Variants in CHN1 observed in about 807,000 individuals in gnomAD.
The protein encoded by CHN1 is chimerin 1.
Under a neutral mutation model 59.5 loss-of-function variants are expected in CHN1, and 37 were observed. The ratio of observed to expected loss-of-function variants is 0.62; its 90% CI spans 0.48 to 0.82. The LOEUF (loss-of-function observed/expected upper bound fraction) is 0.82, where lower values mean the gene tolerates loss of function less well. Ranked by LOEUF, CHN1 falls within the 40% of genes least tolerant of loss-of-function variation. The pLI is 0.00. For missense variants in CHN1, 469 were observed against 571.0 expected (o/e 0.82, Z 1.82); for synonymous variants, 206 against 200.4 (o/e 1.03, Z -0.24).
At chr2:174,829,143 A>T (rs1281574769) in intron 7 of CHN1, among the ~76,000 whole-genome samples, 1 of 152,212 alleles carries the variant, frequency 6.6e-6, no homozygotes, top group Non-Finnish European at 1.5e-5. Context: ...AAAAAAGACC[A>T]TTTTATTACC....
At chr2:174,992,671 G>C (rs1211164377) in intron 1 of CHN1, among the ~76,000 whole-genome samples, 3 of 152,182 alleles carry the variant, frequency 2.0e-5, no homozygotes, top group Non-Finnish European at 4.4e-5. Flanking sequence ...CTTTAGTCAG[G>C]CTTCTCCTAG....
chr2:174,812,097 C>T (rs2105383773), intron 9 of CHN1: 1 of 400,356 alleles, frequency 2.5e-6, no homozygotes. Context: ...TATACAAGCA[C>T]ATTGGCTACA....
intron 5 of CHN1, among the ~76,000 whole-genome samples, chr2:174,887,008 C>T (rs1314258934): frequency 2.0e-5 from 3 of 152,106 alleles, no homozygotes; most frequent in Non-Finnish European, 4.4e-5. Context: ...CCTATTTAAC[C>T]ACTTAATCTG....
At chr2:174,956,049 A>G (rs1392206666) in intron 1 of CHN1, among the ~76,000 whole-genome samples, 1 of 152,216 alleles carries the variant, frequency 6.6e-6, no homozygotes, top group Non-Finnish European at 1.5e-5. Context: ...TGAAAATTAA[A>G]AAACAATTGT....
At chr2:174,900,109 G>C (rs1688341951) in intron 5 of CHN1, among the ~76,000 whole-genome samples, 1 of 152,096 alleles carries the variant, frequency 6.6e-6, no homozygotes, top group Admixed American at 6.6e-5. Flanking sequence ...CAATACAGTT[G>C]GGAAAATATT....
At chr2:174,991,340 C>G (rs371981333) in intron 1 of CHN1, among the ~76,000 whole-genome samples, 2 of 152,108 alleles carry the variant, frequency 1.3e-5, no homozygotes, top group African/African-American at 4.8e-5. Context: ...TAGCATGGTC[C>G]CCCCAGAAGG....
intron 1 of CHN1, among the ~76,000 whole-genome samples, chr2:174,979,241 T>TA (rs1203969414): frequency 6.6e-6 from 1 of 151,900 alleles, no homozygotes; most frequent in Non-Finnish European, 1.5e-5. Flanking sequence ...AATTATTAAG[T>TA]AATATAGGAA....
chr2:174,955,187 T>TATAG (rs148228204), intron 1 of CHN1, among the ~76,000 whole-genome samples: 23,072 of 103,418 alleles, frequency 0.22, 1,923 homozygotes, highest in Admixed American at 0.27. Flanking sequence ...TCTATATCTA[T>TATAG]ATATATATAT....
At chr2:175,001,107 G>A (rs916426254) in intron 1 of CHN1, among the ~76,000 whole-genome samples, 1 of 152,094 alleles carries the variant, frequency 6.6e-6, no homozygotes, top group Non-Finnish European at 1.5e-5. Context: ...TTTGACACCA[G>A]TACAAGAAGG....
chr2:174,948,187 A>G (rs1343682334), intron 2 of CHN1, among the ~76,000 whole-genome samples: 2 of 152,156 alleles, frequency 1.3e-5, no homozygotes, highest in Admixed American at 1.3e-4. Flanking sequence ...ACATTTGAGT[A>G]GGTTTTTAAC....
chr2:174,945,199 C>G, intron 2 of CHN1: 1 of 489,164 alleles, frequency 2.0e-6, no homozygotes, highest in Admixed American at 3.2e-5. Context: ...GGATATTTGG[C>G]TCTGTTCTCC....
chr2:174,896,308 C>T (rs1023739833), intron 5 of CHN1, among the ~76,000 whole-genome samples: 2 of 152,136 alleles, frequency 1.3e-5, no homozygotes, highest in African/African-American at 2.4e-5. Flanking sequence ...CTTTGCTTCA[C>T]ATCTTTATCT....
chr2:174,933,523 C>T (rs1399005196), intron 3 of CHN1, among the ~76,000 whole-genome samples: 3 of 151,968 alleles, frequency 2.0e-5, no homozygotes, highest in African/African-American at 4.8e-5. Flanking sequence ...ATAGGGAAGT[C>T]AGTACTGACC....
chr2:174,969,514 C>A (rs773844745), intron 1 of CHN1, among the ~76,000 whole-genome samples: 1 of 152,182 alleles, frequency 6.6e-6, no homozygotes, highest in African/African-American at 2.4e-5. Context: ...TCTCCAGCCT[C>A]TTTGTTCCTC....
At chr2:174,818,020 G>C (rs1685342538) in intron 8 of CHN1, among the ~76,000 whole-genome samples, 1 of 152,266 alleles carries the variant, frequency 6.6e-6, no homozygotes, top group East Asian at 1.9e-4. Context: ...TGGTCCACCT[G>C]TCTTGGCCTC....
In CHN1 at chr2:174,879,131, A is replaced by G. The variant is rs1237845114; in HGVS notation, c.261-1003T>C. Among the ~76,000 whole-genome samples, 3 of 152,258 alleles carry G rather than the reference A, an allele frequency of 2.0e-5. No individual in the cohort carries two copies. The East Asian group carries it at 5.8e-4, about 29-fold the overall frequency. ...GGATATATTTAATTTCATTGTTAAA[A>G]GTACAACAGAACAGGGATGAACTAA... On this transcript the variant is annotated intron_variant, in intron 5 of 12. Transcript: ENST00000409900.
Position 175,005,328 on chromosome 2 carries a change from C to G in CHN1, c.-416G>C. On this transcript the variant is annotated 5_prime_UTR_variant, in exon 1 of 13. Transcript: ENST00000409900. ...CTCGCACAGCCCCCGGCGGGGCGCG[C>G]TCACTCCGCATCCCGCGGCCTCGCA... 1.7e-6 allele frequency: 2 copies of G among 1,174,174 alleles called. No homozygotes were observed. Among genetic ancestry groups the G allele is most frequent in the Non-Finnish European group, 1.1e-6 (1 of 932,590 alleles). 72.7% of individuals were successfully genotyped at this position (1,174,174 alleles called of 1,614,324 possible). A position where few individuals can be genotyped will look rare whatever the true frequency, so the allele number is the denominator to read the frequency against.
intron 3 of CHN1, among the ~76,000 whole-genome samples, chr2:174,944,316 G>T (rs950004109): frequency 3.4e-4 from 52 of 152,170 alleles, no homozygotes; most frequent in African/African-American, 1.2e-3. Context: ...AATCTGCAAT[G>T]TAAGTGCCTG....
intron 1 of CHN1, among the ~76,000 whole-genome samples, chr2:174,983,068 G>A (rs1691211179): frequency 1.3e-5 from 2 of 152,102 alleles, no homozygotes; most frequent in South Asian, 2.1e-4. Flanking sequence ...GATAAACTCT[G>A]GGGAGGCAGA....
Sources: gnomAD v4.1 joint callset for allele counts (sites outside exome capture counted in the v4.1 genomes callset) on GRCh38, gnomAD v4.1.1 for gene constraint, MANE v1.5 for transcripts, NCBI Gene and HGNC (gene_info 2026-07-23, HGNC 2026-07-21) for gene names.